Variants in SCHIP1 observed in about 807,000 individuals in gnomAD.
SCHIP1 encodes the protein schwannomin-interacting protein 1.
Under a neutral mutation model 29.7 loss-of-function variants are expected in SCHIP1, and 8 were observed. The observed-to-expected ratio is 0.27, with a 90% CI of 0.16 to 0.49. The LOEUF (loss-of-function observed/expected upper bound fraction) is 0.49, where lower values mean the gene tolerates loss of function less well. Ranked by LOEUF, SCHIP1 falls within the 20% of genes least tolerant of loss-of-function variation. The pLI, the probability that SCHIP1 is intolerant of heterozygous loss-of-function variation, is 0.99. For missense variants in SCHIP1, 193 were observed against 294.6 expected (o/e 0.66, Z 2.52); for synonymous variants, 76 against 94.9 (o/e 0.80, Z 1.16).
At chr3:159,754,367 A>C in the SCHIP1 span, among the ~76,000 whole-genome samples, 4 of 152,142 alleles carry the variant, frequency 2.6e-5, no homozygotes, top group African/African-American at 7.2e-5. Flanking sequence ...TTGTTATTGA[A>C]ATTTTTCTTG....
At chr3:159,823,058 T>C in the SCHIP1 span, among the ~76,000 whole-genome samples, 1 of 150,902 alleles carries the variant, frequency 6.6e-6, no homozygotes, top group South Asian at 2.1e-4. Flanking sequence ...TGGGGAGGAA[T>C]AGGAGTTGGC....
chr3:159,750,320 C>CAT, the SCHIP1 span, among the ~76,000 whole-genome samples: 6 of 144,432 alleles, frequency 4.2e-5, no homozygotes, highest in African/African-American at 8.1e-5. Context: ...CACACACACA[C>CAT]GTATACATAT....
the SCHIP1 span, among the ~76,000 whole-genome samples, chr3:159,370,361 T>G: frequency 6.6e-6 from 1 of 152,214 alleles, no homozygotes; most frequent in South Asian, 2.1e-4. Flanking sequence ...ATTCCTTACT[T>G]AAATGTCATA....
At chr3:159,672,320 C>T in the SCHIP1 span, among the ~76,000 whole-genome samples, 3 of 152,134 alleles carry the variant, frequency 2.0e-5, no homozygotes, top group Non-Finnish European at 2.9e-5. Context: ...CTACATATTC[C>T]CTTATTTTGA....
the SCHIP1 span, among the ~76,000 whole-genome samples, chr3:159,699,621 G>A: frequency 1.3e-5 from 2 of 152,186 alleles, no homozygotes; most frequent in South Asian, 2.1e-4. Context: ...AGGCAAGGAT[G>A]GATATGGGAA....
At chr3:159,374,468 T>C in the SCHIP1 span, among the ~76,000 whole-genome samples, 6 of 152,180 alleles carry the variant, frequency 3.9e-5, no homozygotes, top group East Asian at 1.9e-4. Flanking sequence ...AGATTAGTTA[T>C]AGGAAAAGCT....
chr3:159,725,268 TTTC>T, the SCHIP1 span, among the ~76,000 whole-genome samples: 2 of 144,482 alleles, frequency 1.4e-5, no homozygotes, highest in Non-Finnish European at 3.0e-5. Flanking sequence ...TCTTTTCTTT[TTTC>T]TTTTTTTTTT....
chr3:159,722,803 A>G, the SCHIP1 span, among the ~76,000 whole-genome samples: 1 of 152,212 alleles, frequency 6.6e-6, no homozygotes, highest in Non-Finnish European at 1.5e-5. Flanking sequence ...ATGATTAACT[A>G]GTAAAGTATC....
the SCHIP1 span, among the ~76,000 whole-genome samples, chr3:159,283,352 CA>C: frequency 6.6e-6 from 1 of 152,092 alleles, no homozygotes; most frequent in Non-Finnish European, 1.5e-5. Flanking sequence ...GAGGTTTCAC[CA>C]TGTTGGCCAG....
In SCHIP1 at chr3:159,840,290, C is replaced by T. The variant is rs1577407387; in HGVS notation, c.30+76C>T. 3 of 1,298,184 alleles carry T rather than the reference C, an allele frequency of 2.3e-6. No homozygotes were observed. The South Asian group carries it at 3.8e-5, about 16-fold the overall frequency. The allele number at this position is 1,298,184 out of a possible 1,614,324, so 80.4% of individuals were successfully genotyped here. A position where few individuals can be genotyped will look rare whatever the true frequency, so the allele number is the denominator to read the frequency against. ...CTTCCTCTTCCAAAGCAGCAGGTTG[C>T]CTCTTTCCGGATATTCAGGGATTTT... On this transcript the variant is annotated intron_variant, in intron 1 of 6. Coordinates refer to ENST00000445224, the Ensembl canonical transcript of SCHIP1.
At chr3:159,507,348 C>CA in the SCHIP1 span, among the ~76,000 whole-genome samples, 2 of 152,154 alleles carry the variant, frequency 1.3e-5, no homozygotes, top group South Asian at 2.1e-4. Flanking sequence ...AGTTGCTTAT[C>CA]TCTTAAGGAG....
At chr3:159,473,239 C>T in the SCHIP1 span, among the ~76,000 whole-genome samples, 2 of 152,094 alleles carry the variant, frequency 1.3e-5, no homozygotes, top group African/African-American at 4.8e-5. Flanking sequence ...AGACAATTTA[C>T]TGTCAATGCT....
chr3:159,678,910 A>G, the SCHIP1 span, among the ~76,000 whole-genome samples: 6 of 152,242 alleles, frequency 3.9e-5, no homozygotes, highest in African/African-American at 1.4e-4. Context: ...AGAACAGTAT[A>G]GAGAATATCG....
chr3:159,407,139 C>T, the SCHIP1 span, among the ~76,000 whole-genome samples: 1 of 152,006 alleles, frequency 6.6e-6, no homozygotes, highest in Non-Finnish European at 1.5e-5. Flanking sequence ...TCTCTGTTGC[C>T]TACAAGAAAC....
At chr3:159,840,010 GCACAGGCAGTGC>G in exon 1 of SCHIP1, 5 of 1,437,670 alleles carry the variant, frequency 3.5e-6, no homozygotes, top group Non-Finnish European at 4.5e-6. Flanking sequence ...GCGCTTCCCG[GCACAGGCAGTGC>G]CACTGCGCAG....
At chr3:159,890,216 G>A (rs1030526707) in intron 5 of SCHIP1, among the ~76,000 whole-genome samples, 4 of 152,150 alleles carry the variant, frequency 2.6e-5, no homozygotes, top group Non-Finnish European at 5.9e-5. Flanking sequence ...AGTAGAAGTC[G>A]GAGAGAGAAA....
chr3:159,507,483 G>A, the SCHIP1 span, among the ~76,000 whole-genome samples: 1 of 152,108 alleles, frequency 6.6e-6, no homozygotes, highest in Non-Finnish European at 1.5e-5. Flanking sequence ...GATTGCCCTG[G>A]CCAGAACTTC....
intron 1 of SCHIP1, among the ~76,000 whole-genome samples, chr3:159,843,058 C>G (rs1377270010): frequency 2.8e-5 from 3 of 108,274 alleles, no homozygotes; most frequent in Non-Finnish European, 5.5e-5. Context: ...GTTGCCCAGG[C>G]TGGAGTGCAG....
the SCHIP1 span, among the ~76,000 whole-genome samples, chr3:159,570,949 T>C: frequency 1.8e-3 from 281 of 152,110 alleles, 2 homozygotes; most frequent in African/African-American, 6.3e-3. Flanking sequence ...CTCTGTCTGT[T>C]AATGGTGTGT....
Sources: gnomAD v4.1 joint callset for allele counts (sites outside exome capture counted in the v4.1 genomes callset) on GRCh38, gnomAD v4.1.1 for gene constraint, MANE v1.5 for transcripts, NCBI Gene and HGNC (gene_info 2026-07-23, HGNC 2026-07-21) for gene names.